ADGRD2: variants seen among roughly 807,000 people sequenced by gnomAD.
The protein encoded by ADGRD2 is adhesion G protein-coupled receptor D2.
A neutral mutation model predicts 44.4 loss-of-function variants in ADGRD2; 71 were observed. That is an observed-to-expected ratio of 1.60 (90% confidence interval 1.32 to 1.95). The LOEUF is 1.95. Among genes scored for constraint, ADGRD2 ranks in the 30% most tolerant of loss-of-function variants. ADGRD2 has a pLI of 0.00. For missense variants in ADGRD2, 1,039 were observed against 512.4 expected, an observed-to-expected ratio of 2.03 and a Z score of -9.92; for synonymous variants, 481 against 224.8, an observed-to-expected ratio of 2.14 and a Z score of -10.19.
chr9:124,467,887 T>C, intron 12 of ADGRD2, 63 bp downstream of exon 15: 2 of 714,644 alleles, frequency 2.8e-6, no homozygotes, highest in African/African-American at 1.7e-5. Context: ...CAGGCCTCCA[T>C]GTCCCCATTG....
intron 19 of ADGRD2, 73 bp from the exon 23 acceptor site, chr9:124,476,284 C>T: frequency 1.5e-6 from 1 of 648,290 alleles, no homozygotes; most frequent in Non-Finnish European, 2.8e-6. Flanking sequence ...CTGAGGGCCC[C>T]ACTCCCAGGA....
intron 10 of ADGRD2, 148 bp from the exon 14 acceptor site, chr9:124,466,110 G>T: frequency 2.2e-6 from 1 of 457,844 alleles, no homozygotes; most frequent in Non-Finnish European, 4.0e-6. Context: ...CATTTTACAG[G>T]TGAAAAACTG....
chr9:124,451,034 A>C (rs1588597241), upstream of ADGRD2: 1 of 471,302 alleles, frequency 2.1e-6, no homozygotes, highest in Non-Finnish European at 4.4e-6. Context: ...TGGCACACCC[A>C]CCAGCCGGAA....
At chr9:124,453,428 C>G (rs1480478239) in exon 3 of ADGRD2, 2 of 649,524 alleles carry the variant, frequency 3.1e-6, no homozygotes, top group Admixed American at 2.6e-5. Context: ...CACCCGGTGC[C>G]GTCCGGCGGC....
chr9:124,458,556 C>T (rs970173271), intron 9 of ADGRD2, 60 bp from the exon 13 acceptor site: 56 of 699,804 alleles, frequency 8.0e-5, no homozygotes, highest in East Asian at 6.0e-4. Flanking sequence ...GGTGACATGC[C>T]GCAGCCAGGC....
At chr9:124,456,075 C>A (rs766311871) in intron 6 of ADGRD2, among the ~76,000 whole-genome samples, 8 of 152,302 alleles carry the variant, frequency 5.3e-5, no homozygotes, top group Non-Finnish European at 8.8e-5. Context: ...GATTAGGGAT[C>A]CGAGGCACTG....
chr9:124,472,004 T>C (rs1279453879), intron 17 of ADGRD2, among the ~76,000 whole-genome samples: 7 of 152,138 alleles, frequency 4.6e-5, no homozygotes, highest in African/African-American at 1.7e-4. Context: ...GGGCAGGTGG[T>C]GGCATCTTGT....
At chr9:124,466,316 C>T (rs1370022761) in exon 11 of ADGRD2, 2 of 716,830 alleles carry the variant, frequency 2.8e-6, no homozygotes, top group Admixed American at 2.0e-5. Context: ...TGGGCCACCA[C>T]AGGCTGCTCC....
chr9:124,456,672 C>G, exon 7 of ADGRD2: 1 of 717,024 alleles, frequency 1.4e-6, no homozygotes, highest in South Asian at 1.5e-5. Flanking sequence ...GCCTGGCACC[C>G]CTGCTGAGCA....
chr9:124,466,277 A>C, exon 11 of ADGRD2: 1 of 684,820 alleles, frequency 1.5e-6, no homozygotes, highest in Non-Finnish European at 2.7e-6. Context: ...TTCCCTCCCC[A>C]TCCCCCAAGC....
rs761996953 is a variant in ADGRD2 at position 124,452,480 on chromosome 9, AC to A, written c.69-24del. On this transcript the variant is annotated intron_variant, in intron 1 of 21. Transcript: ENST00000334810. The stretch of plus-strand genomic sequence containing the variant: ...GAAGAGTCAGATGCCCACAAAATGC[AC>A]CCCCCACCGTCTCTCTTATCGTTTT... 5.6e-6 allele frequency: 4 copies of A among 717,718 alleles called. No individual in the cohort carries two copies. The South Asian group carries it at 5.9e-5, about 11-fold the overall frequency. The allele number at this position is 717,718 out of a possible 1,614,324, so 44.5% of individuals were successfully genotyped here.
exon 3 of ADGRD2, chr9:124,453,618 C>A: frequency 1.4e-6 from 1 of 700,988 alleles, no homozygotes; most frequent in South Asian, 1.5e-5. Flanking sequence ...GGGACCCGGG[C>A]GCCCTGGACG....
chr9:124,463,420 A>G (rs1831755531), intron 10 of ADGRD2, among the ~76,000 whole-genome samples: 1 of 152,140 alleles, frequency 6.6e-6, no homozygotes. Flanking sequence ...GTTTATGTTC[A>G]TGAATAATGT....
chr9:124,467,979 C>G (rs372230592), intron 12 of ADGRD2, 109 bp from the exon 16 acceptor site: 6 of 707,676 alleles, frequency 8.5e-6, no homozygotes, highest in African/African-American at 7.0e-5. Flanking sequence ...TGGAGCTGCT[C>G]TCTTTCCCTC....
intron 11 of ADGRD2, 23 bp downstream of exon 14, chr9:124,466,436 G>T: frequency 1.5e-6 from 1 of 663,174 alleles, no homozygotes. Context: ...TGGGAGGGGG[G>T]TGTCAGGAGG....
intron 10 of ADGRD2, among the ~76,000 whole-genome samples, chr9:124,460,866 TAA>T (rs1328058492): frequency 1.3e-5 from 2 of 152,188 alleles, no homozygotes; most frequent in Admixed American, 1.3e-4. Flanking sequence ...TTTAACTTCC[TAA>T]GAGACTGTCA....
chr9:124,470,012 G>C (rs1831916802), intron 16 of ADGRD2, among the ~76,000 whole-genome samples: 1 of 152,170 alleles, frequency 6.6e-6, no homozygotes. Context: ...CTCTGGGAGA[G>C]AGAGGGACCC....
intron 10 of ADGRD2, 126 bp from the exon 14 acceptor site, chr9:124,466,132 G>A: frequency 4.3e-6 from 2 of 460,366 alleles, no homozygotes; most frequent in Non-Finnish European, 8.0e-6. Context: ...GACCCAGGAA[G>A]GGGCGGTGAC....
chr9:124,463,191 A>G (rs887178002), intron 10 of ADGRD2, among the ~76,000 whole-genome samples: 3 of 152,140 alleles, frequency 2.0e-5, no homozygotes, highest in African/African-American at 7.2e-5. Flanking sequence ...GAGAATTTTT[A>G]TCATGAATGG....
Sources: gnomAD v4.1 joint callset for allele counts (sites outside exome capture counted in the v4.1 genomes callset) on GRCh38, gnomAD v4.1.1 for gene constraint, MANE v1.5 for transcripts, NCBI Gene and HGNC (gene_info 2026-07-23, HGNC 2026-07-21) for gene names.